The following FGD4 variants were observed in gnomAD, a reference collection of about 807,000 sequenced individuals.
The protein encoded by FGD4 is FYVE, RhoGEF and PH domain-containing protein 4.
Under a neutral mutation model 102.0 loss-of-function variants are expected in FGD4, and 42 were observed. The observed-to-expected ratio is 0.41, with a 90% CI of 0.32 to 0.53. The LOEUF (loss-of-function observed/expected upper bound fraction) is 0.53. Ranked by LOEUF, FGD4 falls within the 20% of genes least tolerant of loss-of-function variation. The probability of loss-of-function intolerance (pLI) is 0.21; values close to 1 mark genes in which losing one functional copy is unlikely to be tolerated. For missense variants in FGD4, 902 were observed against 1,078.2 expected, an observed-to-expected ratio of 0.84 and a Z score of 2.29; for synonymous variants, 380 against 375.7, an observed-to-expected ratio of 1.01 and a Z score of -0.13.
At chr12:32,529,886 T>C (rs1941634056) in intron 1 of FGD4, among the ~76,000 whole-genome samples, 4 of 145,066 alleles carry the variant, frequency 2.8e-5, no homozygotes, top group Admixed American at 2.1e-4. Flanking sequence ...ACATTGCCAA[T>C]AGTATGTTAG....
intron 1 of FGD4, among the ~76,000 whole-genome samples, chr12:32,474,087 C>CAAA (rs34520473): frequency 7.5e-6 from 1 of 133,026 alleles, no homozygotes; most frequent in Non-Finnish European, 1.6e-5. Flanking sequence ...GACTCTGTCT[C>CAAA]AAAAAAAAAA....
intron 1 of FGD4, among the ~76,000 whole-genome samples, chr12:32,470,446 T>C (rs949861318): frequency 4.7e-5 from 7 of 149,468 alleles, no homozygotes; most frequent in Admixed American, 4.0e-4. Context: ...TGCTTCGAAG[T>C]TTTCTTTTTT....
In FGD4 at chr12:32,600,584, C is replaced by CTTTTTTTTTTTTTTTT. The variant is rs776556112; in HGVS notation, c.1102-691_1102-690insTTTTTTTTTTTTTTTT. ...GTTTTTTGTTTTTCTTTCTTTCTTT[C>CTTTTTTTTTTTTTTTT]TTTCTTTCTTTTTTTTTTTTTTGTC... is the stretch of plus-strand genomic sequence containing the variant. On this transcript the variant is annotated intron_variant, in intron 5 of 16. Coordinates refer to ENST00000534526, the MANE Select transcript of FGD4 (RefSeq NM_001370298.3). 7.0e-4 allele frequency: 190 copies of CTTTTTTTTTTTTTTTT among 269,586 alleles called. 6 individuals are homozygous for CTTTTTTTTTTTTTTTT. The highest frequency in any genetic ancestry group is 5.2e-3 in the African/African-American group (130 of 25,072). The allele number at this position is 269,586 out of a possible 1,614,324, so 16.7% of individuals were successfully genotyped here.
intron 1 of FGD4, among the ~76,000 whole-genome samples, chr12:32,515,654 A>G (rs368490305): frequency 7.9e-5 from 12 of 152,238 alleles, no homozygotes; most frequent in African/African-American, 2.7e-4. Flanking sequence ...AGATATCTGC[A>G]CTGACATTGA....
rs1377415573 is a variant in FGD4, at chr12:32,620,207, CT to C, written c.1922+341del. Among the ~76,000 whole-genome samples, 5 of 152,336 alleles carry C rather than the reference CT, an allele frequency of 3.3e-5. No homozygotes were observed. In the East Asian group the frequency reaches 9.6e-4, roughly 29 times the overall value. ...TCTCCTAATCCTATGTTCACTCCTC[CT>C]TTTGGTCCACAAATGTTTATTGATG... On this transcript the variant is annotated intron_variant, in intron 11 of 16. Coordinates refer to ENST00000534526, the MANE Select transcript of FGD4 (RefSeq NM_001370298.3).
At chr12:32,519,097 CA>C (rs1940217176) in intron 1 of FGD4, among the ~76,000 whole-genome samples, 1 of 65,510 alleles carries the variant, frequency 1.5e-5, no homozygotes, top group Non-Finnish European at 2.8e-5. Context: ...GCCTGGGCAA[CA>C]AAAGCAAAAC....
intron 2 of FGD4, among the ~76,000 whole-genome samples, chr12:32,570,789 C>T (rs766565282): frequency 3.3e-4 from 50 of 152,160 alleles, no homozygotes; most frequent in Admixed American, 8.5e-4. Context: ...CAAAATAATA[C>T]AAAATAATTC....
At chr12:32,588,542 C>A (rs555596001) in intron 4 of FGD4, among the ~76,000 whole-genome samples, 1 of 152,144 alleles carries the variant, frequency 6.6e-6, no homozygotes, top group African/African-American at 2.4e-5. Flanking sequence ...ATTGAAGTGT[C>A]GATTTGGGCA....
intron 11 of FGD4, among the ~76,000 whole-genome samples, 176 bp downstream of exon 11, chr12:32,620,046 C>T (rs1949710932): frequency 6.6e-6 from 1 of 152,188 alleles, no homozygotes; most frequent in Non-Finnish European, 1.5e-5. Flanking sequence ...TCTCCCCTCT[C>T]TTGATTCCTC....
At chr12:32,426,224 T>C (rs1305428700) in intron 1 of FGD4, among the ~76,000 whole-genome samples, 1 of 152,216 alleles carries the variant, frequency 6.6e-6, no homozygotes, top group South Asian at 2.1e-4. Flanking sequence ...TCTTATTATT[T>C]TGAGACACAT....
intron 4 of FGD4, among the ~76,000 whole-genome samples, chr12:32,595,776 T>C (rs1195327613): frequency 6.6e-6 from 1 of 152,252 alleles, no homozygotes; most frequent in African/African-American, 2.4e-5. Flanking sequence ...ATCCAAACTT[T>C]GACTAATTGT....
intron 4 of FGD4, among the ~76,000 whole-genome samples, chr12:32,596,949 A>C (rs1218713894): frequency 6.6e-6 from 1 of 151,946 alleles, no homozygotes; most frequent in Admixed American, 6.6e-5. Context: ...AAAAAAAAAA[A>C]CAAAAAGAGA....
chr12:32,637,860 C>T (rs1403208023), intron 15 of FGD4: 1 of 152,216 alleles, frequency 6.6e-6, no homozygotes, highest in African/African-American at 2.4e-5. Context: ...TATCAGGTCT[C>T]TCCCTCGACA....
intron 2 of FGD4, among the ~76,000 whole-genome samples, chr12:32,571,651 C>T (rs181114612): frequency 2.0e-4 from 30 of 152,036 alleles, no homozygotes; most frequent in African/African-American, 5.8e-4. Flanking sequence ...ATTTTTGAGG[C>T]AGGGTAGGAG....
chr12:32,630,528 A>C (rs1456522269), intron 14 of FGD4, among the ~76,000 whole-genome samples: 1 of 151,946 alleles, frequency 6.6e-6, no homozygotes, highest in African/African-American at 2.4e-5. Flanking sequence ...AAAAATATAA[A>C]AATTGGCTGG....
intron 1 of FGD4, among the ~76,000 whole-genome samples, chr12:32,400,770 C>A (rs1224956569): frequency 6.6e-6 from 1 of 152,152 alleles, no homozygotes; most frequent in African/African-American, 2.4e-5. Flanking sequence ...GACCAGCTTA[C>A]GAGGCAAAAC....
intron 1 of FGD4, among the ~76,000 whole-genome samples, chr12:32,527,698 G>A (rs1265570380): frequency 6.6e-6 from 1 of 152,172 alleles, no homozygotes; most frequent in Non-Finnish European, 1.5e-5. Flanking sequence ...AAAGTGCTGG[G>A]ATTAACAGGT....
At chr12:32,515,673 C>T (rs190173600) in intron 1 of FGD4, among the ~76,000 whole-genome samples, 30 of 152,348 alleles carry the variant, frequency 2.0e-4, no homozygotes, top group Middle Eastern at 6.8e-3. Flanking sequence ...GAGCATTGCA[C>T]ATGCTGTGCC....
intron 1 of FGD4, among the ~76,000 whole-genome samples, chr12:32,478,007 A>T (rs1943624145): frequency 6.6e-6 from 1 of 152,174 alleles, no homozygotes; most frequent in African/African-American, 2.4e-5. Flanking sequence ...TAGGCTAGTA[A>T]ATTTCTCCAT....
Sources: allele counts gnomAD v4.1 joint callset (sites outside exome capture counted in the v4.1 genomes callset), GRCh38; gene constraint gnomAD v4.1.1; transcripts MANE v1.5; gene names NCBI Gene and HGNC (gene_info 2026-07-23, HGNC 2026-07-21).